The following NRXN3 variants were observed in gnomAD, a reference collection of about 807,000 sequenced individuals.
The protein encoded by NRXN3 is neurexin 3.
In NRXN3, 32 loss-of-function variants were observed where a neutral mutation model predicts 137.6. The ratio of observed to expected loss-of-function variants is 0.23; its 90% CI spans 0.18 to 0.31. The LOEUF (loss-of-function observed/expected upper bound fraction) is 0.31, where lower values mean the gene tolerates loss of function less well. Among genes scored for constraint, NRXN3 ranks in the 10% least tolerant of loss-of-function variants. The pLI, the probability that NRXN3 is intolerant of heterozygous loss-of-function variation, is 1.00. For synonymous variants in NRXN3, 798 were observed against 784.5 expected (o/e 1.02, Z -0.29); for missense variants, 1,574 against 2,062.5 (o/e 0.76, Z 4.59).
At chr14:78,666,936 A>C (rs1481978832) in intron 6 of NRXN3, among the ~76,000 whole-genome samples, 1 of 152,178 alleles carries the variant, frequency 6.6e-6, no homozygotes, top group African/African-American at 2.4e-5. Flanking sequence ...CCCTAAATTT[A>C]ACCAGAGTAG....
Position 79,121,597 on chromosome 14 carries a change from G to A in NRXN3, c.3262+133456G>A, listed in dbSNP as rs140213890. On this transcript the variant is annotated intron_variant, in intron 15 of 20. Transcript: ENST00000335750. The stretch of plus-strand genomic sequence containing the variant: ...TCTCGTTTTATAAAATGGCACATGG[G>A]TTTATCACTTGGAGACAAAGAAGCA... Among the ~76,000 whole-genome samples the A allele has an allele frequency of 4.3e-3, 654 of 152,168 alleles. 2 individuals carry two copies. The highest frequency in any genetic ancestry group is 0.037 in the Middle Eastern group (11 of 294).
intron 16 of NRXN3, among the ~76,000 whole-genome samples, chr14:79,545,945 T>A (rs1477768024): frequency 6.6e-6 from 1 of 152,074 alleles, no homozygotes; most frequent in African/African-American, 2.4e-5. Flanking sequence ...GGTAATTGAA[T>A]CATGGGGGTA....
chr14:79,839,413 A>G (rs974500593), intron 20 of NRXN3, among the ~76,000 whole-genome samples: 4 of 152,156 alleles, frequency 2.6e-5, no homozygotes, highest in Non-Finnish European at 5.9e-5. Flanking sequence ...TATAGAGTCA[A>G]TGATGAATTA....
At chr14:78,795,758 CA>C in intron 8 of NRXN3, among the ~76,000 whole-genome samples, 1 of 152,252 alleles carries the variant, frequency 6.6e-6, no homozygotes, top group African/African-American at 2.4e-5. Flanking sequence ...CTCTGTGAAA[CA>C]ATCGTTTAGC....
intron 1 of NRXN3, among the ~76,000 whole-genome samples, chr14:78,212,677 T>C (rs1007316718): frequency 6.6e-6 from 1 of 152,246 alleles, no homozygotes; most frequent in Non-Finnish European, 1.5e-5. Context: ...AGTCTTTCCT[T>C]ACTATCTGAT....
intron 15 of NRXN3, among the ~76,000 whole-genome samples, chr14:79,343,260 CAAG>C (rs2092703696): frequency 6.6e-6 from 1 of 152,124 alleles, no homozygotes; most frequent in Non-Finnish European, 1.5e-5. Context: ...AGTCTCCAGG[CAAG>C]AAGGAGGTCT....
intron 8 of NRXN3, among the ~76,000 whole-genome samples, chr14:78,738,542 G>A (rs539141092): frequency 6.6e-6 from 1 of 152,258 alleles, no homozygotes; most frequent in Non-Finnish European, 1.5e-5. Context: ...GGAACCAGAA[G>A]CACCTGCCAG....
chr14:78,206,384 C>T (rs1375243435), intron 1 of NRXN3, among the ~76,000 whole-genome samples: 2 of 152,118 alleles, frequency 1.3e-5, no homozygotes, highest in Non-Finnish European at 2.9e-5. Flanking sequence ...AGGGGGTTTC[C>T]ACACTGTGTT....
chr14:78,373,474 C>T (rs983767057), intron 4 of NRXN3, among the ~76,000 whole-genome samples: 2 of 152,138 alleles, frequency 1.3e-5, no homozygotes, highest in African/African-American at 4.8e-5. Context: ...AAACACTCAC[C>T]GGAAATCTGT....
chr14:79,556,039 C>T (rs2097426286), intron 16 of NRXN3, among the ~76,000 whole-genome samples: 1 of 152,170 alleles, frequency 6.6e-6, no homozygotes, highest in Non-Finnish European at 1.5e-5. Flanking sequence ...CCCCTCTCTT[C>T]AGCAACAGGG....
chr14:79,082,969 C>T (rs1432473682), intron 15 of NRXN3, among the ~76,000 whole-genome samples: 1 of 152,154 alleles, frequency 6.6e-6, no homozygotes, highest in Non-Finnish European at 1.5e-5. Flanking sequence ...CTACACTACA[C>T]CATTGCCATT....
intron 4 of NRXN3, among the ~76,000 whole-genome samples, chr14:78,517,899 G>T (rs966499109): frequency 1.3e-5 from 2 of 152,120 alleles, no homozygotes; most frequent in African/African-American, 4.8e-5. Flanking sequence ...CTGTAAAGTT[G>T]TCACTCCTCA....
intron 6 of NRXN3, among the ~76,000 whole-genome samples, chr14:78,668,824 A>G (rs917230269): frequency 6.6e-6 from 1 of 152,194 alleles, no homozygotes; most frequent in Non-Finnish European, 1.5e-5. Flanking sequence ...AAGAGCAGGA[A>G]GTGAATTGAA....
intron 15 of NRXN3, among the ~76,000 whole-genome samples, chr14:78,996,634 G>T: frequency 6.6e-6 from 1 of 152,102 alleles, no homozygotes; most frequent in African/African-American, 2.4e-5. Context: ...TGATTTGCTC[G>T]GGGAACAAGA....
rs1455121957 is a variant in NRXN3, at chr14:78,967,088, C to T, written c.2778-120C>T. ...ACCTCATATCAAGATTTAAATTATT[C>T]CTGCATTATGCCAGTTTAGCATGGG... is the stretch of plus-strand genomic sequence containing the variant. On this transcript the variant is annotated intron_variant, in intron 12 of 20. Coordinates refer to ENST00000335750, the MANE Select transcript of NRXN3 (RefSeq NM_001330195.2). The T allele has an allele frequency of 5.3e-6, 4 of 750,510 alleles. No individual in the cohort carries two copies. In the African/African-American group the frequency reaches 7.0e-5, roughly 13 times the overall value. 46.5% of individuals were successfully genotyped at this position (750,510 alleles called of 1,614,324 possible). A position where few individuals can be genotyped will look rare whatever the true frequency, so the allele number is the denominator to read the frequency against.
chr14:78,825,017 A>G (rs2098962142), intron 10 of NRXN3, among the ~76,000 whole-genome samples: 1 of 152,064 alleles, frequency 6.6e-6, no homozygotes, highest in Non-Finnish European at 1.5e-5. Flanking sequence ...GGTTGTTCAA[A>G]GAGACATTTA....
chr14:78,901,251 T>C (rs2099195279), intron 10 of NRXN3, among the ~76,000 whole-genome samples: 1 of 152,008 alleles, frequency 6.6e-6, no homozygotes, highest in South Asian at 2.1e-4. Context: ...TCCATCTCTA[T>C]GGATCCAACC....
At chr14:78,527,098 C>T (rs778244989) in intron 4 of NRXN3, among the ~76,000 whole-genome samples, 7 of 152,152 alleles carry the variant, frequency 4.6e-5, no homozygotes, top group Non-Finnish European at 4.4e-5. Context: ...CCTAAAGTCA[C>T]CAAGAATATC....
rs115279357 is a variant in NRXN3 at position 78,950,774 on chromosome 14, A to T, written c.2276-6468A>T. Among the ~76,000 whole-genome samples, 2 of 152,282 alleles carry T rather than the reference A, an allele frequency of 1.3e-5. 1 individual carries two copies. Among genetic ancestry groups the T allele is most frequent in the African/African-American group, 4.8e-5 (2 of 41,546 alleles). ...AGGTATAAATTAACACTATTCTAAG[A>T]AAAATCAGGCAAGCAGTGAACTTTG... On this transcript the variant is annotated intron_variant, in intron 10 of 20. Coordinates refer to ENST00000335750, the MANE Select transcript of NRXN3 (RefSeq NM_001330195.2).
Sources: allele counts gnomAD v4.1 joint callset (sites outside exome capture counted in the v4.1 genomes callset), GRCh38; gene constraint gnomAD v4.1.1; transcripts MANE v1.5; gene names NCBI Gene and HGNC (gene_info 2026-07-23, HGNC 2026-07-21).